Variants in CFAP299 observed in about 807,000 individuals in gnomAD.
CFAP299 encodes the protein cilia- and flagella-associated protein 299.
Under a neutral mutation model 27.0 loss-of-function variants are expected in CFAP299, and 21 were observed. The observed-to-expected ratio is 0.78, with a 90% confidence interval of 0.55 to 1.12. The LOEUF is 1.12. CFAP299 is among the 50% of genes most tolerant of loss of function. The probability of loss-of-function intolerance (pLI) is 0.00; values close to 1 mark genes in which losing one functional copy is unlikely to be tolerated. For synonymous variants in CFAP299, 104 were observed against 98.1 expected, an observed-to-expected ratio of 1.06 and a Z score of -0.36; for missense variants, 310 against 276.6, an observed-to-expected ratio of 1.12 and a Z score of -0.86.
intron 3 of CFAP299, among the ~76,000 whole-genome samples, chr4:80,838,708 C>G (rs144292747): frequency 5.3e-5 from 8 of 152,102 alleles, no homozygotes; most frequent in East Asian, 1.9e-4. Flanking sequence ...ATGCCTCCAG[C>G]CTTATTCTTT....
intron 2 of CFAP299, among the ~76,000 whole-genome samples, chr4:80,475,408 T>A (rs1455524254): frequency 6.6e-6 from 1 of 152,248 alleles, no homozygotes; most frequent in African/African-American, 2.4e-5. Flanking sequence ...GGATGAGGAA[T>A]GATTTCTTTG....
intron 3 of CFAP299, among the ~76,000 whole-genome samples, chr4:80,695,024 ACT>A (rs1227840487): frequency 1.3e-5 from 2 of 152,138 alleles, no homozygotes; most frequent in African/African-American, 2.4e-5. Flanking sequence ...AACCCTTTAC[ACT>A]CTGGTATTTT....
At chr4:80,404,303 A>G (rs930534604) in intron 2 of CFAP299, among the ~76,000 whole-genome samples, 1 of 152,120 alleles carries the variant, frequency 6.6e-6, no homozygotes, top group African/African-American at 2.4e-5. Flanking sequence ...CATTAAATTT[A>G]CCATCTTAAC....
intron 2 of CFAP299, chr4:80,388,615 T>C (rs1725159293): frequency 2.9e-6 from 4 of 1,402,434 alleles, no homozygotes; most frequent in Non-Finnish European, 4.0e-6. Flanking sequence ...CACTCTGGCC[T>C]CTGGGATCAG....
the CFAP299 span, among the ~76,000 whole-genome samples, chr4:80,323,494 G>T: frequency 6.6e-6 from 1 of 152,102 alleles, no homozygotes; most frequent in African/African-American, 2.4e-5. Flanking sequence ...TTTTCAAAAA[G>T]ATTGTCTTAC....
At chr4:80,607,531 C>T (rs749482668) in intron 3 of CFAP299, among the ~76,000 whole-genome samples, 1 of 151,586 alleles carries the variant, frequency 6.6e-6, no homozygotes, top group Non-Finnish European at 1.5e-5. Context: ...GGTGATGACG[C>T]CAGGGGTTAG....
chr4:80,476,963 G>A (rs1200768912), intron 2 of CFAP299, among the ~76,000 whole-genome samples: 2 of 137,540 alleles, frequency 1.5e-5, no homozygotes, highest in South Asian at 4.3e-4. Flanking sequence ...GCGCATGCGT[G>A]TGTGTGTGTG....
At chr4:80,479,584 T>G (rs1730452405) in intron 2 of CFAP299, among the ~76,000 whole-genome samples, 1 of 152,028 alleles carries the variant, frequency 6.6e-6, no homozygotes. Flanking sequence ...AGGACATATT[T>G]CTGGTCAAAA....
intron 2 of CFAP299, among the ~76,000 whole-genome samples, chr4:80,515,383 C>G (rs1908545): frequency 1.3e-5 from 2 of 152,148 alleles, no homozygotes; most frequent in Admixed American, 1.3e-4. Context: ...CTTAATTAAT[C>G]TAGTTCTCAT....
At chr4:80,739,390 A>G (rs1291079247) in intron 3 of CFAP299, among the ~76,000 whole-genome samples, 1 of 151,844 alleles carries the variant, frequency 6.6e-6, no homozygotes, top group Non-Finnish European at 1.5e-5. Context: ...ATCTTGGATT[A>G]TTTGTTGATG....
intron 4 of CFAP299, among the ~76,000 whole-genome samples, chr4:80,876,922 C>G (rs1172287176): frequency 1.3e-5 from 2 of 152,124 alleles, no homozygotes; most frequent in African/African-American, 4.8e-5. Flanking sequence ...TTTTGGCCAT[C>G]CTGTACCCAC....
chr4:80,962,151 T>C (rs551283124), intron 5 of CFAP299, among the ~76,000 whole-genome samples: 1 of 152,130 alleles, frequency 6.6e-6, no homozygotes, highest in South Asian at 2.1e-4. Context: ...ATCCACTGAC[T>C]ATTGGCTGAA....
intron 3 of CFAP299, among the ~76,000 whole-genome samples, chr4:80,775,285 A>G (rs929053977): frequency 6.6e-6 from 1 of 151,986 alleles, no homozygotes; most frequent in African/African-American, 2.4e-5. Flanking sequence ...GTATTGTAAC[A>G]TAATCGCAAT....
chr4:80,757,458 CTTATA>C (rs1240217895), intron 3 of CFAP299, among the ~76,000 whole-genome samples: 1 of 152,036 alleles, frequency 6.6e-6, no homozygotes, highest in African/African-American at 2.4e-5. Context: ...ATTATTTTTA[CTTATA>C]TTTATTTATC....
intron 3 of CFAP299, among the ~76,000 whole-genome samples, chr4:80,742,779 G>A (rs990814572): frequency 6.6e-6 from 1 of 152,096 alleles, no homozygotes; most frequent in African/African-American, 2.4e-5. Flanking sequence ...GGATGTCCAG[G>A]AAAGCCAGAA....
At chr4:80,513,871 A>G (rs1417413706) in intron 2 of CFAP299, among the ~76,000 whole-genome samples, 1 of 152,118 alleles carries the variant, frequency 6.6e-6, no homozygotes, top group Non-Finnish European at 1.5e-5. Flanking sequence ...ACACTATGGA[A>G]GAATTAATTA....
chr4:80,859,615 A>T (rs956316255), intron 3 of CFAP299, among the ~76,000 whole-genome samples: 8 of 151,800 alleles, frequency 5.3e-5, no homozygotes, highest in Non-Finnish European at 1.2e-4. Context: ...GGTGGTGACA[A>T]ATCTCTCAGC....
intron 2 of CFAP299, among the ~76,000 whole-genome samples, chr4:80,557,067 T>C (rs1734818173): frequency 6.6e-6 from 1 of 152,104 alleles, no homozygotes; most frequent in African/African-American, 2.4e-5. Flanking sequence ...TCACAACCTT[T>C]TTAAATTTTC....
chr4:80,417,509 G>A (rs141457373), intron 2 of CFAP299, among the ~76,000 whole-genome samples: 178 of 152,220 alleles, frequency 1.2e-3, no homozygotes, highest in African/African-American at 3.7e-3. Flanking sequence ...AGTCCTGAGC[G>A]TGGTATTGGT....
Sources: gnomAD v4.1 joint callset for allele counts (sites outside exome capture counted in the v4.1 genomes callset) on GRCh38, gnomAD v4.1.1 for gene constraint, MANE v1.5 for transcripts, NCBI Gene and HGNC (gene_info 2026-07-23, HGNC 2026-07-21) for gene names.